The following FRMD4A variants were observed in gnomAD, a reference collection of about 807,000 sequenced individuals.
The protein encoded by FRMD4A is FERM domain-containing protein 4A.
Under a neutral mutation model 129.1 loss-of-function variants are expected in FRMD4A, and 29 were observed. The ratio of observed to expected loss-of-function variants is 0.22; its 90% CI spans 0.17 to 0.31. The LOEUF (loss-of-function observed/expected upper bound fraction) is 0.31, where lower values mean the gene tolerates loss of function less well. FRMD4A is among the 10% of genes least tolerant of loss of function. The pLI is 1.00. For synonymous variants in FRMD4A, 634 were observed against 571.6 expected, an observed-to-expected ratio of 1.11 and a Z score of -1.56; for missense variants, 1,272 against 1,375.8, an observed-to-expected ratio of 0.92 and a Z score of 1.19.
At chr10:13,651,868 CATGGGCAGTAGG>C in intron 24 of FRMD4A, 23 bp downstream of exon 24, 1 of 1,036,272 alleles carries the variant, frequency 9.6e-7, no homozygotes, top group East Asian at 2.4e-5. Flanking sequence ...ACCACAGACT[CATGGGCAGTAGG>C]AACAAAACTC....
chr10:14,184,298 A>ATTTTTTTTTTTTTTTTTTTTTTTTT lies in FRMD4A; in HGVS notation c.45+145759_45+145760insAAAAAAAAAAAAAAAAAAAAAAAAA, dbSNP rs60196881. 1.4e-4 allele frequency among the ~76,000 whole-genome samples: 15 copies of ATTTTTTTTTTTTTTTTTTTTTTTTT among 104,898 alleles called. 3 individuals carry two copies. The highest frequency in any genetic ancestry group is 3.5e-4 in the South Asian group (1 of 2,864). The allele number at this position is 104,898 out of a possible 152,430, so 68.8% of individuals were successfully genotyped here. ...AGGTGCATACCACCACAACCGGTTA[A>ATTTTTTTTTTTTTTTTTTTTTTTTT]TTTTTTTTTTTTTTTTAGTAGAGAT... On this transcript the variant is annotated intron_variant, in intron 2 of 24. Coordinates refer to ENST00000357447, the MANE Select transcript of FRMD4A (RefSeq NM_018027.5).
intron 15 of FRMD4A, chr10:13,685,137 T>C: frequency 7.1e-6 from 7 of 984,872 alleles, no homozygotes; most frequent in Middle Eastern, 5.2e-4. Context: ...GAGAATTAGA[T>C]GTGATTTTTA....
chr10:14,304,280 G>C (rs1846276451), intron 2 of FRMD4A, among the ~76,000 whole-genome samples: 3 of 152,142 alleles, frequency 2.0e-5, no homozygotes, highest in Admixed American at 2.0e-4. Context: ...AGCTTCCTTA[G>C]ATCCTTGCCA....
At chr10:14,123,616 T>C (rs1324620281) in intron 2 of FRMD4A, among the ~76,000 whole-genome samples, 1 of 152,144 alleles carries the variant, frequency 6.6e-6, no homozygotes, top group African/African-American at 2.4e-5. Flanking sequence ...TTTCTAAGTC[T>C]CTATACACAA....
At position 13,809,869 on chromosome 10, in the gene FRMD4A, T is replaced by C. The variant is rs75046949; in HGVS notation, c.206+945A>G. Among the ~76,000 whole-genome samples, 112 of 152,352 alleles carry C rather than the reference T, an allele frequency of 7.4e-4. 2 individuals are homozygous for C. In the East Asian group the frequency reaches 0.021, roughly 28 times the overall value. Reference sequence around the variant, plus strand: ...CATAAGACCACCCCTTCCACTTGCATCTCACCAAGGCCAAGTGTAGCCATG... The same window carrying C: ...CATAAGACCACCCCTTCCACTTGCACCTCACCAAGGCCAAGTGTAGCCATG... On this transcript the variant is annotated intron_variant, in intron 4 of 24. Transcript: ENST00000357447.
At chr10:14,117,584 C>T (rs893156998) in intron 2 of FRMD4A, among the ~76,000 whole-genome samples, 1 of 152,112 alleles carries the variant, frequency 6.6e-6, no homozygotes, top group African/African-American at 2.4e-5. Flanking sequence ...AAAGGAGGCC[C>T]CAACCAAATG....
intron 2 of FRMD4A, among the ~76,000 whole-genome samples, chr10:13,947,728 G>A (rs191222471): frequency 3.9e-5 from 6 of 152,066 alleles, no homozygotes; most frequent in Admixed American, 6.5e-5. Flanking sequence ...TGCATGTCTT[G>A]GTAAAGAACA....
intron 11 of FRMD4A, among the ~76,000 whole-genome samples, chr10:13,739,465 G>C (rs1000280714): frequency 6.6e-6 from 1 of 152,190 alleles, no homozygotes; most frequent in Non-Finnish European, 1.5e-5. Flanking sequence ...TCCTGGATTC[G>C]TGCTCTTTTC....
At chr10:14,259,723 T>A (rs1157086253) in intron 2 of FRMD4A, among the ~76,000 whole-genome samples, 5 of 152,342 alleles carry the variant, frequency 3.3e-5, no homozygotes, top group African/African-American at 1.2e-4. Context: ...CACAAAGAGT[T>A]GGTTGCACCT....
chr10:13,882,893 T>A (rs2094563672), intron 2 of FRMD4A, among the ~76,000 whole-genome samples: 1 of 151,834 alleles, frequency 6.6e-6, no homozygotes, highest in Non-Finnish European at 1.5e-5. Flanking sequence ...AACCTCTGCC[T>A]TCTGGGCTCA....
chr10:13,966,942 G>C (rs1354188002), intron 2 of FRMD4A, among the ~76,000 whole-genome samples: 2 of 152,218 alleles, frequency 1.3e-5, no homozygotes, highest in Non-Finnish European at 2.9e-5. Context: ...GATGAGATTG[G>C]AGACTATTAT....
intron 2 of FRMD4A, among the ~76,000 whole-genome samples, chr10:14,110,125 T>TTAAAAAAAAA (rs372420987): frequency 0.39 from 34,051 of 88,402 alleles, 9,889 homozygotes; most frequent in East Asian, 0.56. Flanking sequence ...CGAGATGCTG[T>TTAAAAAAAAA]AAAAAAAAAA....
intron 2 of FRMD4A, among the ~76,000 whole-genome samples, chr10:14,079,130 A>G (rs372551761): frequency 9.2e-5 from 14 of 152,230 alleles, no homozygotes; most frequent in African/African-American, 3.4e-4. Context: ...TGGGCACTGC[A>G]TGTTAAATCC....
At chr10:13,653,626 A>G (rs1300680822) in intron 23 of FRMD4A, among the ~76,000 whole-genome samples, 1 of 152,244 alleles carries the variant, frequency 6.6e-6, no homozygotes, top group Non-Finnish European at 1.5e-5. Context: ...CCACCAAACC[A>G]GGAACCAGAC....
At chr10:14,014,741 C>T (rs1022191695) in intron 2 of FRMD4A, among the ~76,000 whole-genome samples, 3 of 152,220 alleles carry the variant, frequency 2.0e-5, no homozygotes, top group African/African-American at 7.2e-5. Context: ...TCCAGCTCAC[C>T]AGTGTGGGAA....
At chr10:13,996,912 A>G (rs2095624464) in intron 2 of FRMD4A, among the ~76,000 whole-genome samples, 1 of 151,928 alleles carries the variant, frequency 6.6e-6, no homozygotes, top group East Asian at 1.9e-4. Flanking sequence ...TATACTTTCT[A>G]AATCTATTCT....
At chr10:13,912,772 G>A (rs1384366623) in intron 2 of FRMD4A, among the ~76,000 whole-genome samples, 1 of 151,820 alleles carries the variant, frequency 6.6e-6, no homozygotes, top group East Asian at 1.9e-4. Context: ...TTTGTGATCC[G>A]CCTGCCTAGA....
At position 14,206,306 on chromosome 10, in the gene FRMD4A, A is replaced by T. The variant is rs188131272; in HGVS notation, c.45+123752T>A. ...AGTCAGCACTTAAGTTGGGGGAAAA[A>T]CTAATTAAAAGAAGAATCTACCACC... On this transcript the variant is annotated intron_variant, in intron 2 of 24. Transcript: ENST00000357447. Among the ~76,000 whole-genome samples the T allele has an allele frequency of 5.0e-4, 76 of 152,292 alleles. 1 individual carries two copies. In the Middle Eastern group the frequency reaches 0.01, roughly 20 times the overall value.
At chr10:13,952,144 C>T (rs1392975057) in intron 2 of FRMD4A, among the ~76,000 whole-genome samples, 1 of 119,176 alleles carries the variant, frequency 8.4e-6, no homozygotes, top group Admixed American at 8.6e-5. Flanking sequence ...TCTTTTTATA[C>T]TCTTTTTTCT....
Sources: gnomAD v4.1 joint callset for allele counts (sites outside exome capture counted in the v4.1 genomes callset) on GRCh38, gnomAD v4.1.1 for gene constraint, MANE v1.5 for transcripts, NCBI Gene and HGNC (gene_info 2026-07-23, HGNC 2026-07-21) for gene names.